SEPTIN9: variants seen among roughly 807,000 people sequenced by gnomAD.
The protein encoded by SEPTIN9 is septin-9.
In SEPTIN9, 13 loss-of-function variants were observed where a neutral mutation model predicts 56.6. The observed-to-expected ratio is 0.23, with a 90% confidence interval of 0.15 to 0.37. The LOEUF is 0.37. Ranked by LOEUF, SEPTIN9 falls within the 10% of genes least tolerant of loss-of-function variation. The probability of loss-of-function intolerance (pLI) is 1.00; values close to 1 mark genes in which losing one functional copy is unlikely to be tolerated. For synonymous variants in SEPTIN9, 332 were observed against 334.1 expected, an observed-to-expected ratio of 0.99 and a Z score of 0.07; for missense variants, 650 against 823.1, an observed-to-expected ratio of 0.79 and a Z score of 2.57.
intron 2 of SEPTIN9, among the ~76,000 whole-genome samples, chr17:77,312,429 G>T (rs1170629596): frequency 6.6e-6 from 1 of 152,074 alleles, no homozygotes; most frequent in Non-Finnish European, 1.5e-5. Flanking sequence ...GAGTGCTCGG[G>T]CCCCCCCTGG....
At chr17:77,452,578 G>T (rs1055646470) in intron 3 of SEPTIN9, among the ~76,000 whole-genome samples, 4 of 152,188 alleles carry the variant, frequency 2.6e-5, no homozygotes, top group African/African-American at 9.7e-5. Context: ...AGGTTGAGCA[G>T]TGGTTTTCTG....
At position 77,360,915 on chromosome 17, in the gene SEPTIN9, C is replaced by CTTT. The variant is rs34718935; in HGVS notation, c.77-41123_77-41121dup. On this transcript the variant is annotated intron_variant, in intron 2 of 11. Coordinates refer to ENST00000427177, the MANE Select transcript of SEPTIN9 (RefSeq NM_001113491.2). ...GTTTCAGCCTTGTTTGTCTTTCATCCTTTTTTTTTTTTTTTTTTTTTTTGA... is the reference window on the plus strand; with the variant it reads ...GTTTCAGCCTTGTTTGTCTTTCATCCTTTTTTTTTTTTTTTTTTTTTTTTTTGA... Among the ~76,000 whole-genome samples, 395 of 76,794 alleles carry CTTT rather than the reference C, an allele frequency of 5.1e-3. 5 individuals are homozygous for CTTT. Among genetic ancestry groups the CTTT allele is most frequent in the African/African-American group, 0.019 (334 of 17,516 alleles). 50.4% of individuals were successfully genotyped at this position (76,794 alleles called of 152,430 possible). A position where few individuals can be genotyped will look rare whatever the true frequency, so the allele number is the denominator to read the frequency against.
At position 77,330,965 on chromosome 17, in the gene SEPTIN9, C is replaced by A. The variant is rs182144368; in HGVS notation, c.76+23768C>A. Reference sequence around the variant, plus strand: ...ATCGGAGCTCACCTGGAGTCCCAGGCAGCAGATTCGATGCAGTGATGCAGG... The same window carrying A: ...ATCGGAGCTCACCTGGAGTCCCAGGAAGCAGATTCGATGCAGTGATGCAGG... On this transcript the variant is annotated intron_variant, in intron 2 of 11. Transcript: ENST00000427177. This position sits in a 1 kb window ranked among gnomAD's most constrained non-coding sequence, Gnocchi z 4.4. 9.2e-5 allele frequency among the ~76,000 whole-genome samples: 14 copies of A among 152,342 alleles called. 1 individual carries two copies. In the East Asian group the frequency reaches 2.3e-3, roughly 25 times the overall value.
intron 2 of SEPTIN9, among the ~76,000 whole-genome samples, chr17:77,363,260 A>G (rs2034473417): frequency 6.6e-6 from 1 of 151,956 alleles, no homozygotes; most frequent in Non-Finnish European, 1.5e-5. Context: ...AGAAGGAAAC[A>G]GTGTTGCTTA....
In SEPTIN9 at chr17:77,499,696, T is replaced by C. The variant is rs1598486902; in HGVS notation, c.*1038T>C. On this transcript the variant is annotated 3_prime_UTR_variant, in exon 12 of 12. Coordinates refer to ENST00000427177, the MANE Select transcript of SEPTIN9 (RefSeq NM_001113491.2). ...TCCGTCTGTCTGTCTAGTGTCTGGG[T>C]TTGGCCCAAGACTGGGCTGTAGTTA... 2.5e-6 allele frequency: 1 copy of C among 396,554 alleles called. No individual in the cohort carries two copies. The highest frequency in any genetic ancestry group is 2.0e-5 in the African/African-American group (1 of 49,516). The allele number at this position is 396,554 out of a possible 1,614,324, so 24.6% of individuals were successfully genotyped here.
chr17:77,443,092 G>A (rs1031747231), intron 3 of SEPTIN9, among the ~76,000 whole-genome samples: 9 of 152,124 alleles, frequency 5.9e-5, no homozygotes, highest in African/African-American at 2.2e-4. Context: ...GGAAATGGAA[G>A]GGGCAAAAGC....
intron 2 of SEPTIN9, among the ~76,000 whole-genome samples, chr17:77,347,612 G>A (rs2033929302): frequency 6.6e-6 from 1 of 151,754 alleles, no homozygotes; most frequent in Admixed American, 6.6e-5. Context: ...AGCCTCTCCA[G>A]CCTTCTTAAA....
chr17:77,324,009 C>T (rs776323751), intron 2 of SEPTIN9, among the ~76,000 whole-genome samples: 2 of 152,224 alleles, frequency 1.3e-5, no homozygotes, highest in Admixed American at 6.5e-5. Flanking sequence ...TGGTTCTTTC[C>T]GGAGGCTCCG....
At position 77,451,121 on chromosome 17, in the gene SEPTIN9, A is replaced by G. The variant is rs373120; in HGVS notation, c.722-31023A>G. On this transcript the variant is annotated intron_variant, in intron 3 of 11. Coordinates refer to ENST00000427177, the MANE Select transcript of SEPTIN9 (RefSeq NM_001113491.2). The surrounding 1 kb of genome is among the most constrained non-coding windows in gnomAD (Gnocchi z 4.2). Reference sequence around the variant, plus strand: ...GGCAAGCACAGGGACAAGGGCAAGGACGGCATGGCCAGAGGTCCCTGGGAG... The same window carrying G: ...GGCAAGCACAGGGACAAGGGCAAGGGCGGCATGGCCAGAGGTCCCTGGGAG... The G allele has an allele frequency of 6.4e-6, 1 of 155,586 alleles. No homozygotes were observed. Among genetic ancestry groups the G allele is most frequent in the African/African-American group, 2.4e-5 (1 of 41,446 alleles). The allele number at this position is 155,586 out of a possible 1,614,324, so 9.6% of individuals were successfully genotyped here. A position where few individuals can be genotyped will look rare whatever the true frequency, so the allele number is the denominator to read the frequency against.
intron 1 of SEPTIN9, 136 bp from the exon 2 acceptor site, chr17:77,307,005 C>T: frequency 2.3e-6 from 2 of 858,160 alleles, no homozygotes; most frequent in Middle Eastern, 2.2e-4. Flanking sequence ...GGGCCTCTGT[C>T]CCCAGATGGG....
Position 77,476,798 on chromosome 17 carries a change from T to C in SEPTIN9, c.722-5346T>C, listed in dbSNP as rs1453280716. Among the ~76,000 whole-genome samples, 1 of 152,202 alleles carries C rather than the reference T, an allele frequency of 6.6e-6. No individual in the cohort carries two copies. Among genetic ancestry groups the C allele is most frequent in the Non-Finnish European group, 1.5e-5 (1 of 68,036 alleles). On this transcript the variant is annotated intron_variant, in intron 3 of 11. Transcript: ENST00000427177. The surrounding 1 kb of genome is among the most constrained non-coding windows in gnomAD (Gnocchi z 6.0). Reference sequence around the variant, plus strand: ...CTTGCTGCAAGAAGATGGGGGAGTTTGTCTGGGGCATGGTCTGGCGACACC... The same window carrying C: ...CTTGCTGCAAGAAGATGGGGGAGTTCGTCTGGGGCATGGTCTGGCGACACC...
rs1439736370 is a variant in SEPTIN9, at chr17:77,486,604, TTGAGG to T, written c.914-815_914-811del. Among the ~76,000 whole-genome samples, 7 of 150,694 alleles carry T rather than the reference TTGAGG, an allele frequency of 4.6e-5. No individual in the cohort carries two copies. The South Asian group carries it at 1.1e-3, about 23-fold the overall frequency. On this transcript the variant is annotated intron_variant, in intron 4 of 11. Transcript: ENST00000427177. ...TGTGAGGTATGTGTAAGAGGTATGT[TTGAGG>T]TGAGTTGTGTGTGTGTTGTGAGTTG...
intron 1 of SEPTIN9, among the ~76,000 whole-genome samples, chr17:77,284,022 CCTTGAGGAAGGAGAAGT>C (rs2031156765): frequency 6.6e-6 from 1 of 152,068 alleles, no homozygotes; most frequent in East Asian, 1.9e-4. Flanking sequence ...TTGAGCTGGG[CCTTGAGGAAGGAGAAGT>C]CTTGAGTAGT....
At chr17:77,418,441 C>T (rs1019225192) in intron 3 of SEPTIN9, among the ~76,000 whole-genome samples, 1 of 152,160 alleles carries the variant, frequency 6.6e-6, no homozygotes, top group African/African-American at 2.4e-5. Context: ...CTCCTGGGTT[C>T]AAGCAATTCT....
In SEPTIN9 at chr17:77,402,432, G is replaced by T; in HGVS notation, c.450G>T (p.Thr150=). Residue 150 remains threonine, a synonymous_variant, in exon 3 of 12, where the codon ACG becomes ACT. Coordinates refer to ENST00000427177, the MANE Select transcript of SEPTIN9 (RefSeq NM_001113491.2). This position sits in a 1 kb window ranked among gnomAD's most constrained non-coding sequence, Gnocchi z 6.6. ...HKTPEPAPRR[T]EITIVKPQES... is the part of the protein sequence containing the mutation. ...CGCCAGAACCGGCCCCTCGGAGGAC[G>T]GAGATCACCATCGTCAAACCCCAGG... The T allele has an allele frequency of 6.2e-7, 1 of 1,610,772 alleles. No homozygotes were observed. The highest frequency in any genetic ancestry group is 2.2e-5 in the East Asian group (1 of 44,772).
chr17:77,373,306 G>T (rs1327038725), intron 2 of SEPTIN9: 5 of 1,160,354 alleles, frequency 4.3e-6, no homozygotes, highest in Non-Finnish European at 5.3e-6. Flanking sequence ...CGCAGCGCGC[G>T]GGGAGGGGCC....
intron 2 of SEPTIN9, among the ~76,000 whole-genome samples, chr17:77,349,534 G>A (rs1278048347): frequency 6.6e-6 from 1 of 152,158 alleles, no homozygotes. Flanking sequence ...TTTCTGTCAA[G>A]GAATCAGCAT....
intron 3 of SEPTIN9, chr17:77,446,261 G>C (rs934920435): frequency 6.0e-6 from 1 of 167,166 alleles, no homozygotes; most frequent in African/African-American, 2.4e-5. Flanking sequence ...TTGGGTGGGA[G>C]GCTCTGCTGG....
At position 77,488,280 on chromosome 17, in the gene SEPTIN9, T is replaced by G; in HGVS notation, c.1083T>G (p.Ile361Met). 6.2e-7 allele frequency: 1 copy of G among 1,613,760 alleles called. No homozygotes were observed. Among genetic ancestry groups the G allele is most frequent in the Non-Finnish European group, 8.5e-7 (1 of 1,179,840 alleles). The change falls in exon 6 of 12, where the codon ATT becomes ATG. Residue 361 changes from isoleucine (I) to methionine (M), a missense_variant. Transcript: ENST00000427177. The part of the protein sequence containing the change: ...EKGVRMKLTV[I>M]DTPGFGDHIN... Reference sequence around the variant, plus strand: ...GCGTCCGGATGAAGCTGACAGTGATTGACACACCAGGGTTCGGGGACCACA... The same window carrying G: ...GCGTCCGGATGAAGCTGACAGTGATGGACACACCAGGGTTCGGGGACCACA...
Sources: allele counts gnomAD v4.1 joint callset (sites outside exome capture counted in the v4.1 genomes callset), GRCh38; gene constraint gnomAD v4.1.1; non-coding constraint Gnocchi (gnomAD v3.1); transcripts MANE v1.5; gene names NCBI Gene and HGNC (gene_info 2026-07-23, HGNC 2026-07-21).